PADI6: variants seen among roughly 807,000 people sequenced by gnomAD.
PADI6 encodes inactive protein-arginine deiminase type-6.
PADI6 carries 66 observed loss-of-function variants against 78.2 expected under a neutral mutation model. The ratio of observed to expected loss-of-function variants is 0.84; its 90% CI spans 0.69 to 1.04. PADI6 has a LOEUF of 1.04. Among genes scored for constraint, PADI6 ranks in the 50% least tolerant of loss-of-function variants. PADI6 has a pLI of 0.00. For missense variants in PADI6, 854 were observed against 866.1 expected (o/e 0.99, Z 0.18); for synonymous variants, 397 against 346.9 (o/e 1.14, Z -1.60).
intron 2 of PADI6, among the ~76,000 whole-genome samples, chr1:17,374,274 C>T (rs573450882): frequency 2.0e-5 from 3 of 152,114 alleles, no homozygotes; most frequent in Non-Finnish European, 4.4e-5. Flanking sequence ...CACCCACCTG[C>T]GCTGTGTGCC....
chr1:17,397,250 G>T lies in PADI6; in HGVS notation c.1689+109G>T, dbSNP rs901887998. 24 of 1,186,058 alleles carry T rather than the reference G, an allele frequency of 2.0e-5. No individual in the cohort carries two copies. The Middle Eastern group carries it at 2.0e-3, about 100-fold the overall frequency. The allele number at this position is 1,186,058 out of a possible 1,614,324, so 73.5% of individuals were successfully genotyped here. On this transcript the variant is annotated intron_variant, in intron 14 of 15. Transcript: ENST00000619609. Reference sequence around the variant, plus strand: ...AGGGGTGAAGTGTTGGGCGGCGGGGGGCAGCTGCCTGCCACCCTTTCTTCC... The same window carrying T: ...AGGGGTGAAGTGTTGGGCGGCGGGGTGCAGCTGCCTGCCACCCTTTCTTCC...
Position 17,395,575 on chromosome 1 carries a change from C to CT in PADI6, c.1531dup (p.Tyr511LeufsTer2). ...TGCTCCTGGCCAGCCCCAGTGCCTG[C>CT]TATAAACTGTTCCGAGAGAAACAGA... On this transcript the variant is annotated frameshift_variant, in exon 13 of 16. Transcript: ENST00000619609. LOFTEE classifies it high-confidence loss of function. 1 of 1,574,358 alleles carries CT rather than the reference C, an allele frequency of 6.4e-7. No homozygotes were observed. The highest frequency in any genetic ancestry group is 8.6e-7 in the Non-Finnish European group (1 of 1,159,024).
chr1:17,393,292 G>C (rs1263026844), intron 9 of PADI6, among the ~76,000 whole-genome samples: 2 of 152,208 alleles, frequency 1.3e-5, no homozygotes, highest in Non-Finnish European at 2.9e-5. Flanking sequence ...CTCAAAGCAT[G>C]AATCGGGAAT....
intron 6 of PADI6, among the ~76,000 whole-genome samples, chr1:17,387,187 TA>T (rs1247707743): frequency 6.6e-6 from 1 of 152,158 alleles, no homozygotes; most frequent in Non-Finnish European, 1.5e-5. Context: ...CTCACGACTG[TA>T]ATCCTAGCAC....
In PADI6 at chr1:17,388,789, A is replaced by G; in HGVS notation, c.871A>G (p.Thr291Ala). 6.2e-7 allele frequency: 1 copy of G among 1,613,490 alleles called. No individual in the cohort carries two copies. The highest frequency in any genetic ancestry group is 8.5e-7 in the Non-Finnish European group (1 of 1,179,718). Reference sequence around the variant, plus strand: ...TGTCTTGTTGCAGTCAATTCCAGAGACTGTGCTGTACAAAGACACGGTGGT... The same window carrying G: ...TGTCTTGTTGCAGTCAATTCCAGAGGCTGTGCTGTACAAAGACACGGTGGT... The part of the protein sequence containing the change: ...EESQDPSIPE[T>A]VLYKDTVVFR... Residue 291 changes from threonine (T) to alanine (A), a missense_variant, in exon 8 of 16, where the codon ACT (threonine) becomes GCT (alanine). Thr to Ala is a moderately conservative substitution (Grantham distance 58). Transcript: ENST00000619609.
chr1:17,389,901 T>G (rs1272597537), intron 8 of PADI6, among the ~76,000 whole-genome samples: 1 of 152,216 alleles, frequency 6.6e-6, no homozygotes, highest in Non-Finnish European at 1.5e-5. Flanking sequence ...TACCACCACG[T>G]TGCCCTTTAT....
chr1:17,387,153 A>G (rs530701917), intron 6 of PADI6, among the ~76,000 whole-genome samples: 44 of 152,286 alleles, frequency 2.9e-4, no homozygotes, highest in African/African-American at 7.7e-4. Context: ...TAGAAAATGA[A>G]TGGACTTGGG....
At chr1:17,379,104 CCA>C (rs2075047161) in intron 3 of PADI6, among the ~76,000 whole-genome samples, 1 of 134,714 alleles carries the variant, frequency 7.4e-6, no homozygotes, top group Non-Finnish European at 1.5e-5. Flanking sequence ...TCCACCATGC[CCA>C]GTTAATTTTT....
Position 17,382,091 on chromosome 1 carries a change from A to G in PADI6, c.678A>G (p.Gln226=). 6.2e-7 allele frequency: 1 copy of G among 1,613,586 alleles called. No homozygotes were observed. Among genetic ancestry groups the G allele is most frequent in the South Asian group, 1.1e-5 (1 of 91,050 alleles). ...ESKKARVYWP[Q]KDNSSTFELV... ...AGAAGGCGAGAGTCTACTGGCCCCA[A>G]AGTGAGTGTTCTTGTGCCAGCTCCA... The change falls in exon 6 of 16, where the codon CAA becomes CAG. Residue 226 remains glutamine (Q), a splice_region_variant and synonymous_variant. Coordinates refer to ENST00000619609, the MANE Select transcript of PADI6 (RefSeq NM_207421.4).
Position 17,394,305 on chromosome 1 carries a change from T to C in PADI6, c.1188T>C (p.Pro396=). 6.2e-6 allele frequency: 10 copies of C among 1,612,878 alleles called. No homozygotes were observed. The highest frequency in any genetic ancestry group is 8.5e-6 in the Non-Finnish European group (10 of 1,179,038). Residue 396 remains proline (P), a synonymous_variant, in exon 11 of 16, where the codon CCT becomes CCC. Transcript: ENST00000619609. The stretch of plus-strand genomic sequence containing the variant: ...TGGCTCGGTCTCTCCCCCAGAGCCC[T>C]GGTATTGGCTACATGATCCAGGACA... The part of the protein sequence containing the change: ...DEFPMKYSLS[P]GIGYMIQDTE...
chr1:17,386,376 T>A (rs148494188), intron 6 of PADI6, among the ~76,000 whole-genome samples: 2 of 152,274 alleles, frequency 1.3e-5, no homozygotes, highest in African/African-American at 4.8e-5. Context: ...AGTAGGGGAT[T>A]GTGGCAAACA....
intron 3 of PADI6, among the ~76,000 whole-genome samples, chr1:17,378,801 T>A (rs1036490962): frequency 6.6e-6 from 1 of 152,144 alleles, no homozygotes; most frequent in Admixed American, 6.5e-5. Context: ...GACAAGGTTT[T>A]GCCATGTTGC....
Position 17,395,541 on chromosome 1 carries a change from G to A in PADI6, c.1496G>A (p.Gly499Asp), listed in dbSNP as rs1412078743. 1.9e-5 allele frequency: 29 copies of A among 1,552,404 alleles called. No homozygotes were observed. Among genetic ancestry groups the A allele is most frequent in the Non-Finnish European group, 2.2e-5 (25 of 1,147,450 alleles). Residue 499 changes from glycine (G) to aspartate (D), a missense_variant and splice_region_variant, in exon 13 of 16, where the codon GGC (glycine) becomes GAC (aspartate). By Grantham distance (94) the Gly-to-Asp change is moderately conservative. Coordinates refer to ENST00000619609, the MANE Select transcript of PADI6 (RefSeq NM_207421.4). ...PTDDKNEGKK[G>D]FLLLLASPSA... The stretch of plus-strand genomic sequence containing the variant: ...TCTGACCCAAGTTCTGTTTCCCAGG[G>A]CTTCCTGCTGCTCCTGGCCAGCCCC...
intron 10 of PADI6, 66 bp downstream of exon 10, chr1:17,394,148 A>G: frequency 6.4e-7 from 1 of 1,571,122 alleles, no homozygotes; most frequent in Non-Finnish European, 8.7e-7. Flanking sequence ...CTGCCTAGAA[A>G]TAATGGGGCA....
intron 2 of PADI6, among the ~76,000 whole-genome samples, chr1:17,374,420 G>A (rs1369510005): frequency 1.3e-5 from 2 of 152,086 alleles, no homozygotes; most frequent in African/African-American, 2.4e-5. Flanking sequence ...GAGGTCGGGA[G>A]TTTGAGACCA....
In PADI6 at chr1:17,401,237, G is replaced by A. The variant is rs2075298467; in HGVS notation, c.1884G>A (p.Gly628=). Reference sequence around the variant, plus strand: ...TGATTGTGATGGGCAAGAACCTGGGGATCCCCAAGCCTTTTGGGCCCCAAA... The same window carrying A: ...TGATTGTGATGGGCAAGAACCTGGGAATCCCCAAGCCTTTTGGGCCCCAAA... ...LRMIVMGKNL[G]IPKPFGPQIK... The change falls in exon 16 of 16, where the codon GGG becomes GGA. Residue 628 remains glycine, a synonymous_variant. Coordinates refer to ENST00000619609, the MANE Select transcript of PADI6 (RefSeq NM_207421.4). 1.2e-6 allele frequency: 2 copies of A among 1,613,930 alleles called. No individual in the cohort carries two copies. The highest frequency in any genetic ancestry group is 2.7e-5 in the African/African-American group (2 of 74,944).
chr1:17,381,251 C>T lies in PADI6; in HGVS notation c.553+87C>T, dbSNP rs185829114. 4.1e-5 allele frequency: 44 copies of T among 1,073,970 alleles called. No homozygotes were observed. In the Admixed American group the frequency reaches 6.1e-4, roughly 15 times the overall value. 66.5% of individuals were successfully genotyped at this position (1,073,970 alleles called of 1,614,324 possible). A position where few individuals can be genotyped will look rare whatever the true frequency, so the allele number is the denominator to read the frequency against. On this transcript the variant is annotated intron_variant, in intron 5 of 15. Transcript: ENST00000619609. ...AAATGGATTCCAGACTAATTTTCTC[C>T]ACCCCACCCCCGACACCCTCTTCCC...
chr1:17,392,319 T>A (rs2075194850), intron 9 of PADI6, 94 bp downstream of exon 9: 6 of 941,620 alleles, frequency 6.4e-6, no homozygotes, highest in Non-Finnish European at 9.7e-6. Context: ...CTGGTTAACC[T>A]TAAAGACCGA....
intron 14 of PADI6, among the ~76,000 whole-genome samples, chr1:17,398,207 T>C (rs993245811): frequency 1.2e-4 from 19 of 152,072 alleles, no homozygotes; most frequent in African/African-American, 4.3e-4. Flanking sequence ...GGTACCCTGT[T>C]TTGCAAGAAC....
Sources: gnomAD v4.1 joint callset for allele counts (sites outside exome capture counted in the v4.1 genomes callset) on GRCh38, gnomAD v4.1.1 for gene constraint, MANE v1.5 for transcripts, NCBI Gene and HGNC (gene_info 2026-07-23, HGNC 2026-07-21) for gene names.